C12orf42: variants seen among roughly 807,000 people sequenced by gnomAD.
C12orf42 encodes the protein chromosome 12 open reading frame 42, also known as uncharacterized protein C12orf42.
C12orf42 carries 25 observed loss-of-function variants against 21.6 expected under a neutral mutation model. The ratio of observed to expected loss-of-function variants is 1.16; its 90% CI spans 0.84 to 1.62. The LOEUF is 1.62. Ranked by LOEUF, C12orf42 falls within the 40% of genes most tolerant of loss-of-function variation. The pLI is 0.00. For synonymous variants in C12orf42, 174 were observed against 175.0 expected (o/e 0.99, Z 0.05); for missense variants, 483 against 459.3 (o/e 1.05, Z -0.47).
intron 2 of C12orf42, among the ~76,000 whole-genome samples, chr12:103,415,846 T>C (rs1419425787): frequency 6.6e-6 from 1 of 152,194 alleles, no homozygotes; most frequent in Non-Finnish European, 1.5e-5. Context: ...AATTGCTTGA[T>C]GGTGTTTTCT....
chr12:103,242,454 GAA>G (rs1490455698), intron 10 of C12orf42, among the ~76,000 whole-genome samples: 1 of 152,204 alleles, frequency 6.6e-6, no homozygotes, highest in East Asian at 1.9e-4. Flanking sequence ...TGGTTTGAAC[GAA>G]AAGTTTATTG....
intron 2 of C12orf42, among the ~76,000 whole-genome samples, chr12:103,403,017 T>C (rs1297258685): frequency 2.6e-5 from 4 of 152,122 alleles, no homozygotes; most frequent in African/African-American, 9.7e-5. Flanking sequence ...AAATGTGTCT[T>C]CTACCTAGTA....
At chr12:103,122,387 T>TATTC in the C12orf42 span, among the ~76,000 whole-genome samples, 527 of 151,924 alleles carry the variant, frequency 3.5e-3, 2 homozygotes, top group Middle Eastern at 3.4e-3. Flanking sequence ...GCCATTATTG[T>TATTC]ATTCATTCAT....
chr12:103,256,982 T>C (rs984462832), intron 10 of C12orf42, among the ~76,000 whole-genome samples: 1 of 152,196 alleles, frequency 6.6e-6, no homozygotes, highest in Non-Finnish European at 1.5e-5. Flanking sequence ...ATTGTGGTTT[T>C]GACTGGATAA....
At chr12:103,069,215 AT>A in the C12orf42 span, among the ~76,000 whole-genome samples, 3,707 of 146,836 alleles carry the variant, frequency 0.025, 67 homozygotes, top group African/African-American at 0.046. Context: ...TTCCCATTTG[AT>A]TTTTTTTTTG....
chr12:103,474,938 T>C (rs1953928471), intron 2 of C12orf42, among the ~76,000 whole-genome samples: 1 of 152,178 alleles, frequency 6.6e-6, no homozygotes. Context: ...ACCCTCAAGA[T>C]AAATTTTCCA....
At chr12:103,172,894 T>A in the C12orf42 span, among the ~76,000 whole-genome samples, 1 of 152,164 alleles carries the variant, frequency 6.6e-6, no homozygotes, top group Non-Finnish European at 1.5e-5. Context: ...AATTAAAGTT[T>A]CCACCACATA....
At chr12:103,146,602 A>AAGAAAGAAAG in the C12orf42 span, among the ~76,000 whole-genome samples, 2 of 151,402 alleles carry the variant, frequency 1.3e-5, no homozygotes, top group African/African-American at 4.9e-5. Flanking sequence ...GAAAGAAAGA[A>AAGAAAGAAAG]AGAAAGAAAA....
At chr12:103,146,419 G>T in the C12orf42 span, among the ~76,000 whole-genome samples, 3 of 149,102 alleles carry the variant, frequency 2.0e-5, no homozygotes, top group Non-Finnish European at 4.4e-5. Flanking sequence ...AGTGAAGGTT[G>T]CAATGAGCTG....
the C12orf42 span, among the ~76,000 whole-genome samples, chr12:103,119,481 A>G: frequency 6.6e-6 from 1 of 152,184 alleles, no homozygotes; most frequent in Admixed American, 6.5e-5. Flanking sequence ...GGAAGAGCTC[A>G]GGAAATAGGC....
chr12:103,049,790 C>T, the C12orf42 span, among the ~76,000 whole-genome samples: 62 of 152,244 alleles, frequency 4.1e-4, no homozygotes, highest in Non-Finnish European at 7.5e-4. Context: ...AATGCCTTTC[C>T]CCTAGGTAAT....
chr12:103,173,985 A>G, the C12orf42 span, among the ~76,000 whole-genome samples: 2 of 152,212 alleles, frequency 1.3e-5, no homozygotes, highest in Non-Finnish European at 2.9e-5. Context: ...CCCACATAAA[A>G]GAGATTATGA....
intron 10 of C12orf42, among the ~76,000 whole-genome samples, chr12:103,260,172 T>C (rs1261988064): frequency 1.3e-5 from 2 of 152,194 alleles, no homozygotes; most frequent in East Asian, 1.9e-4. Flanking sequence ...ATAAAATAAA[T>C]TGGCTTCTTT....
At chr12:103,282,760 G>T (rs2036215476) in intron 4 of C12orf42, among the ~76,000 whole-genome samples, 1 of 152,190 alleles carries the variant, frequency 6.6e-6, no homozygotes, top group Non-Finnish European at 1.5e-5. Flanking sequence ...TGTCTTTAAG[G>T]TCAACACCTG....
At chr12:103,351,333 T>A (rs1593557220) in intron 4 of C12orf42, among the ~76,000 whole-genome samples, 2 of 152,070 alleles carry the variant, frequency 1.3e-5, no homozygotes, top group African/African-American at 4.8e-5. Context: ...CTCACTTCCG[T>A]TTTTTGTTTC....
chr12:103,113,653 C>T, the C12orf42 span, among the ~76,000 whole-genome samples: 1 of 152,162 alleles, frequency 6.6e-6, no homozygotes, highest in Non-Finnish European at 1.5e-5. Context: ...CCTCCTGACC[C>T]CACCAACAAA....
chr12:103,497,376 A>C (rs922999697), upstream of C12orf42, among the ~76,000 whole-genome samples: 1 of 152,252 alleles, frequency 6.6e-6, no homozygotes, highest in East Asian at 1.9e-4. Flanking sequence ...ACATAGAATC[A>C]TGGCATCATT....
intron 3 of C12orf42, among the ~76,000 whole-genome samples, chr12:103,369,604 G>A (rs2045006422): frequency 6.6e-6 from 1 of 151,808 alleles, no homozygotes; most frequent in African/African-American, 2.4e-5. Flanking sequence ...AGGTGGGGGA[G>A]AGGAGGCTCT....
the C12orf42 span, among the ~76,000 whole-genome samples, chr12:103,150,388 A>T: frequency 1.3e-5 from 2 of 152,230 alleles, no homozygotes; most frequent in Non-Finnish European, 1.5e-5. Context: ...TACTTGTGTT[A>T]AGAATACATA....
Sources: allele counts gnomAD v4.1 joint callset (sites outside exome capture counted in the v4.1 genomes callset), GRCh38; gene constraint gnomAD v4.1.1; transcripts MANE v1.5; gene names NCBI Gene and HGNC (gene_info 2026-07-23, HGNC 2026-07-21).